KLRG1: variants seen among roughly 807,000 people sequenced by gnomAD.
KLRG1 encodes killer cell lectin-like receptor subfamily G member 1.
In KLRG1, 16 loss-of-function variants were observed where a neutral mutation model predicts 21.8. The ratio of observed to expected loss-of-function variants is 0.73; its 90% CI spans 0.50 to 1.11. The LOEUF (loss-of-function observed/expected upper bound fraction) is 1.11. KLRG1 is among the 50% of genes most tolerant of loss of function. The pLI, the probability that KLRG1 is intolerant of heterozygous loss-of-function variation, is 0.00. For missense variants in KLRG1, 173 were observed against 218.3 expected, an observed-to-expected ratio of 0.79 and a Z score of 1.31; for synonymous variants, 69 against 75.9, an observed-to-expected ratio of 0.91 and a Z score of 0.47.
the KLRG1 span, chr12:9,151,592 C>CA: frequency 5.7e-4 from 916 of 1,611,400 alleles, 11 homozygotes; most frequent in South Asian, 9.6e-3. Context: ...GCCAGGATGT[C>CA]AGAGCCCTCA....
chr12:9,002,538 A>G (rs1225388189), intron 3 of KLRG1, among the ~76,000 whole-genome samples: 1 of 152,080 alleles, frequency 6.6e-6, no homozygotes, highest in African/African-American at 2.4e-5. Context: ...CTGGGTGACA[A>G]GAGTTCTCAG....
At chr12:9,084,921 A>G in the KLRG1 span, among the ~76,000 whole-genome samples, 3 of 152,242 alleles carry the variant, frequency 2.0e-5, no homozygotes, top group African/African-American at 7.2e-5. Context: ...CAAAAACTGT[A>G]CAAAGAGACA....
chr12:9,041,790 T>C, the KLRG1 span, among the ~76,000 whole-genome samples: 9 of 152,268 alleles, frequency 5.9e-5, no homozygotes, highest in East Asian at 1.3e-3. Flanking sequence ...AGGTACCCCA[T>C]GCGAGACCAC....
the KLRG1 span, among the ~76,000 whole-genome samples, chr12:9,022,281 C>T: frequency 4.6e-5 from 7 of 152,148 alleles, no homozygotes; most frequent in Non-Finnish European, 2.9e-5. Flanking sequence ...CCTGCCTCAC[C>T]ACAAATACCT....
chr12:9,202,839 G>A, the KLRG1 span, among the ~76,000 whole-genome samples: 1 of 152,170 alleles, frequency 6.6e-6, no homozygotes, highest in East Asian at 1.9e-4. Context: ...ATATTAATGT[G>A]AGATGGAGGA....
At chr12:9,099,585 T>C in the KLRG1 span, 8 of 1,529,364 alleles carry the variant, frequency 5.2e-6, no homozygotes, top group South Asian at 1.0e-4. Flanking sequence ...CATTAGTAGA[T>C]GTAACAGACA....
chr12:9,050,381 CT>C, the KLRG1 span, among the ~76,000 whole-genome samples: 334 of 152,350 alleles, frequency 2.2e-3, 5 homozygotes, highest in Admixed American at 0.019. Flanking sequence ...ATTTCATTAG[CT>C]TCCTATTAAT....
At chr12:8,980,286 A>C (rs1025277727) in intron 1 of KLRG1, among the ~76,000 whole-genome samples, 1 of 151,494 alleles carries the variant, frequency 6.6e-6, no homozygotes, top group African/African-American at 2.4e-5. Flanking sequence ...TTTTGTTAAT[A>C]TATTGTTTCT....
the KLRG1 span, among the ~76,000 whole-genome samples, chr12:9,098,008 T>C: frequency 4.6e-5 from 7 of 152,350 alleles, no homozygotes; most frequent in African/African-American, 1.7e-4. Flanking sequence ...ATCACTTTTG[T>C]TAGGCTTTTT....
intron 3 of KLRG1, among the ~76,000 whole-genome samples, chr12:8,998,356 G>A (rs925471928): frequency 1.3e-5 from 2 of 151,826 alleles, no homozygotes; most frequent in Admixed American, 6.6e-5. Context: ...GAATTAATGA[G>A]TGTAAGTCTA....
At chr12:8,994,324 C>A (rs1368236217) in intron 2 of KLRG1, among the ~76,000 whole-genome samples, 1 of 152,138 alleles carries the variant, frequency 6.6e-6, no homozygotes, top group East Asian at 1.9e-4. Context: ...CCTCGGCCTC[C>A]CAAAGTGCTG....
chr12:9,107,703 G>A, the KLRG1 span: 850 of 1,592,480 alleles, frequency 5.3e-4, 9 homozygotes, highest in Middle Eastern at 2.7e-3. Context: ...CCATTTTCTA[G>A]CTATTTATAT....
the KLRG1 span, among the ~76,000 whole-genome samples, chr12:9,158,216 A>G: frequency 6.6e-6 from 1 of 152,122 alleles, no homozygotes; most frequent in Non-Finnish European, 1.5e-5. Context: ...TGGCCTCCCA[A>G]AGTGCTGTGA....
At chr12:9,180,833 C>G in the KLRG1 span, 15 of 721,616 alleles carry the variant, frequency 2.1e-5, no homozygotes, top group Non-Finnish European at 3.1e-5. Flanking sequence ...TTCTGCACAG[C>G]AAAAGAAACT....
chr12:9,021,178 G>A, the KLRG1 span, among the ~76,000 whole-genome samples: 12 of 152,128 alleles, frequency 7.9e-5, no homozygotes, highest in African/African-American at 2.2e-4. Flanking sequence ...ACGGTACACC[G>A]GTATATGACA....
intron 1 of KLRG1, among the ~76,000 whole-genome samples, chr12:8,956,300 G>C (rs936305673): frequency 8.5e-5 from 13 of 152,196 alleles, no homozygotes; most frequent in Non-Finnish European, 1.6e-4. Context: ...GACTGAACAA[G>C]TTGGGACATG....
chr12:9,018,656 C>T, the KLRG1 span, among the ~76,000 whole-genome samples: 1 of 136,106 alleles, frequency 7.3e-6, no homozygotes, highest in Non-Finnish European at 1.5e-5. Context: ...GCCTGGGCAA[C>T]ATAGCGAGAC....
chr12:9,047,098 C>G, the KLRG1 span, among the ~76,000 whole-genome samples: 5 of 152,238 alleles, frequency 3.3e-5, no homozygotes, highest in African/African-American at 1.2e-4. Context: ...AAGTGCTTTT[C>G]CTGCCTAGGC....
chr12:9,182,227 C>G, the KLRG1 span: 1 of 1,039,770 alleles, frequency 9.6e-7, no homozygotes, highest in African/African-American at 1.6e-5. Flanking sequence ...AGAACTGCGT[C>G]CATTCATTCT....
Sources: gnomAD v4.1 joint callset for allele counts (sites outside exome capture counted in the v4.1 genomes callset) on GRCh38, gnomAD v4.1.1 for gene constraint, MANE v1.5 for transcripts, NCBI Gene and HGNC (gene_info 2026-07-23, HGNC 2026-07-21) for gene names.